Variants in AFG2A observed in about 807,000 individuals in gnomAD.
AFG2A encodes the protein AAA ATPase AFG2A.
At chr4:122,975,921 A>T in the AFG2A span, among the ~76,000 whole-genome samples, 6 of 152,092 alleles carry the variant, frequency 3.9e-5, no homozygotes, top group Non-Finnish European at 8.8e-5. Flanking sequence ...GAAGCAGGGG[A>T]TCTATTTTTG....
the AFG2A span, among the ~76,000 whole-genome samples, chr4:123,232,750 AT>A: frequency 6.6e-6 from 1 of 152,042 alleles, no homozygotes; most frequent in Non-Finnish European, 1.5e-5. Flanking sequence ...TTGGGGGATG[AT>A]TGCAGTGCAA....
the AFG2A span, among the ~76,000 whole-genome samples, chr4:123,041,851 A>T: frequency 6.6e-6 from 1 of 152,138 alleles, no homozygotes; most frequent in African/African-American, 2.4e-5. Flanking sequence ...CAAAAAGATT[A>T]ATCATCTTGG....
chr4:123,304,511 G>A, the AFG2A span, among the ~76,000 whole-genome samples: 1 of 152,178 alleles, frequency 6.6e-6, no homozygotes, highest in Non-Finnish European at 1.5e-5. Flanking sequence ...GTCAGCGCCT[G>A]GGCCCTCCAG....
At chr4:123,305,997 G>A in the AFG2A span, among the ~76,000 whole-genome samples, 4 of 152,170 alleles carry the variant, frequency 2.6e-5, no homozygotes, top group Non-Finnish European at 4.4e-5. Context: ...CTCATCCCGC[G>A]GAGTTGCTTC....
the AFG2A span, among the ~76,000 whole-genome samples, chr4:123,247,172 A>C: frequency 1.0e-3 from 158 of 152,180 alleles, no homozygotes; most frequent in Middle Eastern, 6.8e-3. Flanking sequence ...TTTCATAAAT[A>C]CACATCTCAA....
chr4:123,199,139 C>A, the AFG2A span, among the ~76,000 whole-genome samples: 1 of 152,112 alleles, frequency 6.6e-6, no homozygotes, highest in Non-Finnish European at 1.5e-5. Flanking sequence ...CACATCAGAG[C>A]TACTCCTTGA....
At chr4:122,997,344 A>T in the AFG2A span, among the ~76,000 whole-genome samples, 2 of 152,128 alleles carry the variant, frequency 1.3e-5, no homozygotes, top group Non-Finnish European at 2.9e-5. Flanking sequence ...TTAGATAATC[A>T]CTTTGATTTG....
At chr4:122,937,237 C>T in the AFG2A span, among the ~76,000 whole-genome samples, 1 of 152,178 alleles carries the variant, frequency 6.6e-6, no homozygotes, top group Non-Finnish European at 1.5e-5. Context: ...AGACCAATAT[C>T]CTAATACTCA....
chr4:123,074,377 C>CT, the AFG2A span, among the ~76,000 whole-genome samples: 889 of 149,392 alleles, frequency 6.0e-3, 8 homozygotes, highest in African/African-American at 0.019. Flanking sequence ...GGACTCTATA[C>CT]TTTTTTTTTA....
At chr4:123,214,834 T>C in the AFG2A span, among the ~76,000 whole-genome samples, 2 of 152,052 alleles carry the variant, frequency 1.3e-5, no homozygotes, top group African/African-American at 4.8e-5. Flanking sequence ...TTTCTCTAGC[T>C]CACTTTATTA....
chr4:123,020,407 C>T, the AFG2A span, among the ~76,000 whole-genome samples: 4 of 149,556 alleles, frequency 2.7e-5, no homozygotes, highest in East Asian at 2.0e-4. Flanking sequence ...TCACTCTTGG[C>T]GTTCAGGCTG....
At chr4:123,241,274 T>G in the AFG2A span, among the ~76,000 whole-genome samples, 4 of 152,144 alleles carry the variant, frequency 2.6e-5, no homozygotes, top group African/African-American at 9.7e-5. Flanking sequence ...CCTCCCTAAC[T>G]CATTTTATGA....
chr4:123,127,719 A>G, the AFG2A span, among the ~76,000 whole-genome samples: 1 of 152,262 alleles, frequency 6.6e-6, no homozygotes, highest in East Asian at 1.9e-4. Context: ...TTTTTATTCA[A>G]AAATATTAAC....
chr4:123,153,956 T>G, the AFG2A span, among the ~76,000 whole-genome samples: 1 of 152,190 alleles, frequency 6.6e-6, no homozygotes, highest in Non-Finnish European at 1.5e-5. Context: ...AGAATTCCCT[T>G]TCAAGCAAAA....
chr4:123,294,659 A>T, the AFG2A span, among the ~76,000 whole-genome samples: 1,242 of 152,302 alleles, frequency 8.2e-3, 16 homozygotes, highest in African/African-American at 0.028. Context: ...TTAGTAGGGC[A>T]GGCAGTTTTC....
At chr4:122,988,416 T>TG in the AFG2A span, among the ~76,000 whole-genome samples, 10 of 150,622 alleles carry the variant, frequency 6.6e-5, no homozygotes, top group African/African-American at 2.4e-4. Flanking sequence ...TTTTTTTTTT[T>TG]TGAGACAGAA....
chr4:122,930,987 C>G, the AFG2A span, among the ~76,000 whole-genome samples: 3 of 151,844 alleles, frequency 2.0e-5, no homozygotes, highest in Non-Finnish European at 4.4e-5. Flanking sequence ...AAGTTAACTT[C>G]CAGTTGGGAA....
At chr4:123,033,470 T>A in the AFG2A span, among the ~76,000 whole-genome samples, 1 of 152,206 alleles carries the variant, frequency 6.6e-6, no homozygotes, top group Non-Finnish European at 1.5e-5. Flanking sequence ...AAGATGTTTC[T>A]GGGAACTGGT....
the AFG2A span, among the ~76,000 whole-genome samples, chr4:123,093,149 C>A: frequency 6.6e-6 from 1 of 152,050 alleles, no homozygotes; most frequent in Admixed American, 6.6e-5. Flanking sequence ...TCTTTGCTAC[C>A]CCCAGGAAAG....
Sources: allele counts gnomAD v4.1 joint callset (sites outside exome capture counted in the v4.1 genomes callset), GRCh38; gene constraint gnomAD v4.1.1; transcripts MANE v1.5; gene names NCBI Gene and HGNC (gene_info 2026-07-23, HGNC 2026-07-21).